KCNQ5: variants seen among roughly 807,000 people sequenced by gnomAD.
KCNQ5 encodes potassium voltage-gated channel subfamily KQT member 5.
KCNQ5 carries 30 observed loss-of-function variants against 98.2 expected under a neutral mutation model. The observed-to-expected ratio is 0.31, with a 90% CI of 0.23 to 0.41. The LOEUF (loss-of-function observed/expected upper bound fraction) is 0.41. Among genes scored for constraint, KCNQ5 ranks in the 10% least tolerant of loss-of-function variants. KCNQ5 has a pLI of 1.00. For missense variants in KCNQ5, 835 were observed against 1,182.5 expected (o/e 0.71, Z 4.31); for synonymous variants, 458 against 449.4 (o/e 1.02, Z -0.24).
intron 1 of KCNQ5, among the ~76,000 whole-genome samples, chr6:72,706,096 C>T (rs1769064792): frequency 6.6e-6 from 1 of 151,964 alleles, no homozygotes; most frequent in Non-Finnish European, 1.5e-5. Context: ...AAATATTAAG[C>T]ACTATAAAAA....
At chr6:72,632,731 A>G (rs1453836812) in intron 1 of KCNQ5, among the ~76,000 whole-genome samples, 3 of 152,168 alleles carry the variant, frequency 2.0e-5, no homozygotes, top group Admixed American at 1.3e-4. Context: ...GCTTCCAGCT[A>G]CATCCATGTT....
intron 2 of KCNQ5, among the ~76,000 whole-genome samples, chr6:73,017,355 ATTT>A (rs144112372): frequency 6.6e-6 from 1 of 152,050 alleles, no homozygotes; most frequent in East Asian, 1.9e-4. Context: ...TCTCTAAGTC[ATTT>A]TTTTATCTTG....
At chr6:73,139,941 C>T (rs938124858) in intron 10 of KCNQ5, among the ~76,000 whole-genome samples, 4 of 151,882 alleles carry the variant, frequency 2.6e-5, no homozygotes, top group African/African-American at 9.7e-5. Flanking sequence ...AGAAATACAC[C>T]ATGTGGGGTG....
chr6:72,765,509 A>G (rs949187721), intron 1 of KCNQ5, among the ~76,000 whole-genome samples: 2 of 152,018 alleles, frequency 1.3e-5, no homozygotes, highest in Non-Finnish European at 2.9e-5. Context: ...ATAAGCCAAC[A>G]CTTTGAAGAC....
chr6:72,680,197 A>G (rs1767635808), intron 1 of KCNQ5, among the ~76,000 whole-genome samples: 2 of 152,078 alleles, frequency 1.3e-5, no homozygotes, highest in African/African-American at 4.8e-5. Flanking sequence ...ATCCCCTACC[A>G]CCACCCCTTT....
At chr6:73,108,717 C>T (rs1775105115) in intron 6 of KCNQ5, among the ~76,000 whole-genome samples, 1 of 152,082 alleles carries the variant, frequency 6.6e-6, no homozygotes, top group South Asian at 2.1e-4. Context: ...ATCCCAGCTA[C>T]TCGGGAGGCT....
chr6:73,114,437 AAAACCCCAG>A (rs1438610362), intron 7 of KCNQ5, among the ~76,000 whole-genome samples: 2 of 152,234 alleles, frequency 1.3e-5, no homozygotes, highest in Non-Finnish European at 2.9e-5. Flanking sequence ...AAAAAAATTT[AAAACCCCAG>A]AAGCTTGCAG....
At chr6:72,666,421 A>T (rs565726929) in intron 1 of KCNQ5, among the ~76,000 whole-genome samples, 1 of 152,352 alleles carries the variant, frequency 6.6e-6, no homozygotes, top group African/African-American at 2.4e-5. Flanking sequence ...CGTAAAACTG[A>T]ATGACTTAAA....
At chr6:72,735,812 T>C (rs1014142455) in intron 1 of KCNQ5, among the ~76,000 whole-genome samples, 1 of 152,116 alleles carries the variant, frequency 6.6e-6, no homozygotes, top group African/African-American at 2.4e-5. Flanking sequence ...ATCTCTCTTC[T>C]AATTTGTATA....
At chr6:73,080,052 T>C (rs1278799493) in intron 5 of KCNQ5, among the ~76,000 whole-genome samples, 3 of 152,214 alleles carry the variant, frequency 2.0e-5, no homozygotes, top group African/African-American at 7.2e-5. Flanking sequence ...TTATTAGTCT[T>C]CCATTTCTCC....
chr6:72,939,902 T>C (rs1353405661), intron 1 of KCNQ5, among the ~76,000 whole-genome samples: 1 of 152,208 alleles, frequency 6.6e-6, no homozygotes, highest in African/African-American at 2.4e-5. Context: ...GTAGAAAGAT[T>C]AATAGCAACC....
intron 1 of KCNQ5, among the ~76,000 whole-genome samples, chr6:72,944,859 G>A (rs1178344682): frequency 6.6e-6 from 1 of 152,146 alleles, no homozygotes; most frequent in Non-Finnish European, 1.5e-5. Context: ...TTCTCCACTG[G>A]AACATGAGTG....
intron 1 of KCNQ5, among the ~76,000 whole-genome samples, chr6:72,955,953 A>G (rs1767022828): frequency 6.6e-6 from 1 of 152,118 alleles, no homozygotes; most frequent in Admixed American, 6.6e-5. Flanking sequence ...AAACAAACCC[A>G]GTAATTCTCA....
intron 1 of KCNQ5, among the ~76,000 whole-genome samples, chr6:72,854,720 G>GTA (rs1777446330): frequency 8.7e-6 from 1 of 114,540 alleles, no homozygotes; most frequent in African/African-American, 3.7e-5. Flanking sequence ...CTCTTTCTTT[G>GTA]TACACACACA....
chr6:72,857,213 T>G (rs925872063), intron 1 of KCNQ5, among the ~76,000 whole-genome samples: 12 of 152,250 alleles, frequency 7.9e-5, no homozygotes, highest in Admixed American at 5.2e-4. Context: ...AATAAAGCAC[T>G]TATTCTCTAG....
At position 73,198,278 on chromosome 6, in the gene KCNQ5, T is replaced by C. The variant is rs555307125; in HGVS notation, c.*2864T>C. On this transcript the variant is annotated 3_prime_UTR_variant, in exon 14 of 14. Transcript: ENST00000370398. ...GAGGTTAACTAAAAAAATTTTGCTA[T>C]GTCTGATCTACATGTTTGCATTTTG... 35 of 152,356 alleles carry C rather than the reference T, an allele frequency of 2.3e-4. No individual in the cohort carries two copies. The South Asian group carries it at 7.0e-3, about 31-fold the overall frequency. The allele number at this position is 152,356 out of a possible 1,614,324, so 9.4% of individuals were successfully genotyped here.
At chr6:72,818,763 TATTTA>T (rs1281621405) in intron 1 of KCNQ5, among the ~76,000 whole-genome samples, 2 of 151,100 alleles carry the variant, frequency 1.3e-5, no homozygotes, top group African/African-American at 2.4e-5. Flanking sequence ...AAATAATAAA[TATTTA>T]ATTTAAATTT....
At chr6:73,136,309 G>C (rs1776468713) in intron 10 of KCNQ5, 1 of 152,122 alleles carries the variant, frequency 6.6e-6, no homozygotes, top group African/African-American at 2.4e-5. Context: ...TTTTTAATTT[G>C]GAAAACAAAT....
At chr6:72,810,192 T>C (rs1004923101) in intron 1 of KCNQ5, among the ~76,000 whole-genome samples, 1 of 152,228 alleles carries the variant, frequency 6.6e-6, no homozygotes, top group Non-Finnish European at 1.5e-5. Context: ...AACAATGATG[T>C]CATATTATTT....
Sources: allele counts gnomAD v4.1 joint callset (sites outside exome capture counted in the v4.1 genomes callset), GRCh38; gene constraint gnomAD v4.1.1; transcripts MANE v1.5; gene names NCBI Gene and HGNC (gene_info 2026-07-23, HGNC 2026-07-21).